The following RSPO2 variants were observed in gnomAD, a reference collection of about 807,000 sequenced individuals.
The protein encoded by RSPO2 is R-spondin 2.
Under a neutral mutation model 30.9 loss-of-function variants are expected in RSPO2, and 14 were observed. The observed-to-expected ratio is 0.45, with a 90% CI of 0.30 to 0.71. The LOEUF (loss-of-function observed/expected upper bound fraction) is 0.71, where lower values mean the gene tolerates loss of function less well. Ranked by LOEUF, RSPO2 falls within the 30% of genes least tolerant of loss-of-function variation. The pLI, the probability that RSPO2 is intolerant of heterozygous loss-of-function variation, is 0.08. For synonymous variants in RSPO2, 107 were observed against 96.4 expected (o/e 1.11, Z -0.64); for missense variants, 264 against 301.9 (o/e 0.87, Z 0.93).
intron 3 of RSPO2, chr8:107,983,392 G>A: frequency 1.2e-6 from 2 of 1,606,354 alleles, no homozygotes; most frequent in Non-Finnish European, 8.5e-7. Flanking sequence ...CACAGACAAG[G>A]ATGTAGCTGC....
chr8:108,006,112 A>G (rs577638729), intron 2 of RSPO2, among the ~76,000 whole-genome samples: 11 of 152,314 alleles, frequency 7.2e-5, no homozygotes, highest in African/African-American at 2.6e-4. Context: ...TTCAGAAGAA[A>G]CACGTTTGTG....
At chr8:108,064,036 G>C (rs1812572830) in intron 2 of RSPO2, among the ~76,000 whole-genome samples, 1 of 152,092 alleles carries the variant, frequency 6.6e-6, no homozygotes, top group Admixed American at 6.6e-5. Flanking sequence ...ATTCAAGATG[G>C]ATTAAAGACT....
chr8:107,931,550 T>G (rs974478901), intron 5 of RSPO2, among the ~76,000 whole-genome samples: 1 of 152,094 alleles, frequency 6.6e-6, no homozygotes, highest in South Asian at 2.1e-4. Flanking sequence ...TAAAATCAAG[T>G]AAAATAGAAT....
intron 3 of RSPO2, among the ~76,000 whole-genome samples, chr8:107,964,011 G>GA (rs1813717689): frequency 6.6e-6 from 1 of 152,106 alleles, no homozygotes; most frequent in Non-Finnish European, 1.5e-5. Context: ...ATTGTAAGGG[G>GA]AAAAAACTAA....
intron 2 of RSPO2, among the ~76,000 whole-genome samples, chr8:108,020,822 C>T (rs916625555): frequency 1.1e-4 from 16 of 152,108 alleles, no homozygotes; most frequent in South Asian, 4.2e-4. Context: ...CTCTGAGGCA[C>T]GCTGGAGTCT....
intron 5 of RSPO2, among the ~76,000 whole-genome samples, chr8:107,932,836 G>A (rs976202698): frequency 6.6e-6 from 1 of 152,108 alleles, no homozygotes; most frequent in Non-Finnish European, 1.5e-5. Flanking sequence ...CGATCATTAA[G>A]CTGGCCTGAG....
chr8:108,007,732 G>A (rs59210702), intron 2 of RSPO2, among the ~76,000 whole-genome samples: 4,869 of 152,130 alleles, frequency 0.032, 248 homozygotes, highest in African/African-American at 0.11. Context: ...GAATGTGGCA[G>A]AAGGAGAAAA....
chr8:108,028,820 A>AGGAATGATG (rs1481738102), intron 2 of RSPO2, among the ~76,000 whole-genome samples: 4 of 152,188 alleles, frequency 2.6e-5, no homozygotes, highest in Non-Finnish European at 4.4e-5. Context: ...GGCAAGTGAG[A>AGGAATGATG]GGAATGATGT....
At chr8:108,051,241 T>C (rs2130679267) in intron 2 of RSPO2, among the ~76,000 whole-genome samples, 1 of 152,284 alleles carries the variant, frequency 6.6e-6, no homozygotes. Context: ...CTTATTACTA[T>C]AAAATAATCT....
At chr8:108,053,755 T>G (rs545032867) in intron 2 of RSPO2, among the ~76,000 whole-genome samples, 1 of 152,320 alleles carries the variant, frequency 6.6e-6, no homozygotes, top group Non-Finnish European at 1.5e-5. Context: ...TTCTATACTT[T>G]TGGTGTGAAA....
At chr8:108,050,458 AGATT>A (rs1812044010) in intron 2 of RSPO2, among the ~76,000 whole-genome samples, 1 of 152,208 alleles carries the variant, frequency 6.6e-6, no homozygotes, top group East Asian at 1.9e-4. Context: ...ATGTATATAT[AGATT>A]GATAAAGTAA....
chr8:107,937,743 T>C (rs1448885908), intron 5 of RSPO2, among the ~76,000 whole-genome samples: 1 of 152,072 alleles, frequency 6.6e-6, no homozygotes, highest in Admixed American at 6.6e-5. Context: ...AGAATCACCA[T>C]AATTCTTACC....
At chr8:107,923,909 A>G (rs1586546836) in intron 5 of RSPO2, among the ~76,000 whole-genome samples, 1 of 152,068 alleles carries the variant, frequency 6.6e-6, no homozygotes, top group East Asian at 1.9e-4. Flanking sequence ...ATGGACACAT[A>G]GAGGGGAACA....
chr8:108,020,406 C>T (rs1811022784), intron 2 of RSPO2, among the ~76,000 whole-genome samples: 1 of 152,114 alleles, frequency 6.6e-6, no homozygotes. Flanking sequence ...TAAATAAAAT[C>T]CTATCACTTC....
chr8:108,046,255 T>C (rs905231400), intron 2 of RSPO2, among the ~76,000 whole-genome samples: 1 of 152,222 alleles, frequency 6.6e-6, no homozygotes, highest in Non-Finnish European at 1.5e-5. Flanking sequence ...AATGCAAAGA[T>C]AAAATGTGCT....
At chr8:107,936,414 G>A (rs1360376444) in intron 5 of RSPO2, among the ~76,000 whole-genome samples, 1 of 152,136 alleles carries the variant, frequency 6.6e-6, no homozygotes, top group Non-Finnish European at 1.5e-5. Context: ...ATAAACAGAT[G>A]AGTGTTGATT....
At chr8:107,910,123 T>C (rs531499963) in intron 5 of RSPO2, among the ~76,000 whole-genome samples, 1 of 150,822 alleles carries the variant, frequency 6.6e-6, no homozygotes, top group Non-Finnish European at 1.5e-5. Flanking sequence ...ATTAAGTTCC[T>C]CCATAGCTGA....
chr8:107,958,144 T>C lies in RSPO2; in HGVS notation c.552A>G (p.Thr184=). The C allele has an allele frequency of 2.5e-6, 4 of 1,613,822 alleles. No homozygotes were observed. Among genetic ancestry groups the C allele is most frequent in the African/African-American group, 2.7e-5 (2 of 75,030 alleles). ...ATTCAGCAATGGTTGGACACAGTAT[T>C]GTGTCTTTCACTGGCTTTTTAACAA... ...RQIVKKPVKD[T]ILCPTIAESR... The change falls in exon 5 of 6, where the codon ACA becomes ACG. Residue 184 remains threonine, a synonymous_variant. Transcript: ENST00000276659.
At chr8:107,910,976 A>G in intron 5 of RSPO2, among the ~76,000 whole-genome samples, 1 of 152,188 alleles carries the variant, frequency 6.6e-6, no homozygotes, top group Non-Finnish European at 1.5e-5. Flanking sequence ...AGTTACAGAT[A>G]TTCAATTACA....
Sources: gnomAD v4.1 joint callset for allele counts (sites outside exome capture counted in the v4.1 genomes callset) on GRCh38, gnomAD v4.1.1 for gene constraint, MANE v1.5 for transcripts, NCBI Gene and HGNC (gene_info 2026-07-23, HGNC 2026-07-21) for gene names.